KCNIP4: variants seen among roughly 807,000 people sequenced by gnomAD.
KCNIP4 encodes potassium voltage-gated channel interacting protein 4.
A neutral mutation model predicts 34.0 loss-of-function variants in KCNIP4; 12 were observed. The observed-to-expected ratio is 0.35, with a 90% CI of 0.23 to 0.57. The LOEUF is 0.57. Among genes scored for constraint, KCNIP4 ranks in the 20% least tolerant of loss-of-function variants. The probability of loss-of-function intolerance (pLI) is 0.83; values close to 1 mark genes in which losing one functional copy is unlikely to be tolerated. For synonymous variants in KCNIP4, 124 were observed against 102.2 expected (o/e 1.21, Z -1.29); for missense variants, 238 against 311.7 (o/e 0.76, Z 1.78).
chr4:21,153,635 C>T (rs1194433828), intron 1 of KCNIP4, among the ~76,000 whole-genome samples: 1 of 151,824 alleles, frequency 6.6e-6, no homozygotes, highest in African/African-American at 2.4e-5. Context: ...TGGACAACAA[C>T]ATGCAAATCA....
At chr4:21,472,063 A>C (rs1237091126) in intron 1 of KCNIP4, among the ~76,000 whole-genome samples, 1 of 152,190 alleles carries the variant, frequency 6.6e-6, no homozygotes, top group Non-Finnish European at 1.5e-5. Context: ...CCCATGTGGC[A>C]GAGGTGCCTT....
At chr4:20,986,125 G>T (rs192362883) in intron 1 of KCNIP4, among the ~76,000 whole-genome samples, 8 of 152,104 alleles carry the variant, frequency 5.3e-5, no homozygotes, top group South Asian at 2.1e-4. Context: ...GCTCTGCAAG[G>T]TCTCCTTGGA....
chr4:21,089,920 T>C (rs6810897), intron 1 of KCNIP4, among the ~76,000 whole-genome samples: 25,579 of 152,100 alleles, frequency 0.17, 2,237 homozygotes, highest in East Asian at 0.24. Context: ...ACACATACTC[T>C]CCCTTGTTTT....
chr4:21,488,692 A>T (rs1732118389), intron 1 of KCNIP4, among the ~76,000 whole-genome samples: 1 of 149,548 alleles, frequency 6.7e-6, no homozygotes, highest in Non-Finnish European at 1.5e-5. Context: ...TAAGATACAC[A>T]CAAAAAGCAT....
intron 1 of KCNIP4, among the ~76,000 whole-genome samples, chr4:21,110,717 C>A (rs911014798): frequency 6.6e-6 from 1 of 152,086 alleles, no homozygotes; most frequent in Non-Finnish European, 1.5e-5. Context: ...GGAATAAGTA[C>A]CCTTATACAG....
chr4:20,905,786 C>T (rs972885048), intron 1 of KCNIP4, among the ~76,000 whole-genome samples: 2 of 151,858 alleles, frequency 1.3e-5, no homozygotes, highest in African/African-American at 4.8e-5. Context: ...TCCCAAAGAG[C>T]TGGGATTATA....
chr4:21,883,790 T>C (rs1726598764), intron 1 of KCNIP4, among the ~76,000 whole-genome samples: 1 of 152,150 alleles, frequency 6.6e-6, no homozygotes, highest in South Asian at 2.1e-4. Context: ...AACAAATTCC[T>C]GGCCTATAGC....
chr4:20,818,306 G>A (rs1344642103), intron 3 of KCNIP4, among the ~76,000 whole-genome samples: 6 of 152,190 alleles, frequency 3.9e-5, no homozygotes, highest in African/African-American at 1.4e-4. Context: ...GAGTATTGGG[G>A]TGGTGGTGGT....
At chr4:20,833,794 C>T (rs1718718653) in intron 3 of KCNIP4, among the ~76,000 whole-genome samples, 1 of 152,178 alleles carries the variant, frequency 6.6e-6, no homozygotes, top group Admixed American at 6.5e-5. Flanking sequence ...GCCCTGCAGA[C>T]TGAATTTTAG....
chr4:21,925,485 G>T (rs1417253777), intron 1 of KCNIP4, among the ~76,000 whole-genome samples: 2 of 152,094 alleles, frequency 1.3e-5, no homozygotes, highest in South Asian at 2.1e-4. Context: ...GTCTATCGTT[G>T]TTGGACATTT....
chr4:21,510,989 A>G (rs960983381), intron 1 of KCNIP4, among the ~76,000 whole-genome samples: 1 of 152,186 alleles, frequency 6.6e-6, no homozygotes, highest in East Asian at 1.9e-4. Context: ...GGTTGTAGCG[A>G]GCTGAGATTG....
At chr4:21,606,676 C>T (rs567184273) in intron 1 of KCNIP4, among the ~76,000 whole-genome samples, 1 of 152,198 alleles carries the variant, frequency 6.6e-6, no homozygotes, top group Non-Finnish European at 1.5e-5. Context: ...TCACTGCAAC[C>T]TCTGCCTCCC....
At chr4:21,166,318 C>T (rs990024882) in intron 1 of KCNIP4, among the ~76,000 whole-genome samples, 1 of 152,072 alleles carries the variant, frequency 6.6e-6, no homozygotes, top group African/African-American at 2.4e-5. Flanking sequence ...AAAGATACTC[C>T]ATATATTAGT....
At chr4:20,999,442 T>TG (rs1737892164) in intron 1 of KCNIP4, among the ~76,000 whole-genome samples, 1 of 127,012 alleles carries the variant, frequency 7.9e-6, no homozygotes, top group African/African-American at 3.0e-5. Flanking sequence ...TTTTTTGTTT[T>TG]TTTTTTTTTT....
At chr4:21,855,053 G>A (rs201539692) in intron 1 of KCNIP4, among the ~76,000 whole-genome samples, 1 of 152,042 alleles carries the variant, frequency 6.6e-6, no homozygotes, top group East Asian at 1.9e-4. Flanking sequence ...TCTTTGACTA[G>A]AGATGACAGA....
chr4:20,747,759 C>T (rs1202475252), intron 5 of KCNIP4, among the ~76,000 whole-genome samples: 1 of 152,154 alleles, frequency 6.6e-6, no homozygotes, highest in East Asian at 1.9e-4. Flanking sequence ...ACCCAGTCTG[C>T]ATGAGCATGG....
At position 21,408,732 on chromosome 4, in the gene KCNIP4, T is replaced by C. The variant is rs144188791; in HGVS notation, c.62-526023A>G. 2.8e-3 allele frequency among the ~76,000 whole-genome samples: 434 copies of C among 152,338 alleles called. 3 individuals carry two copies. Among genetic ancestry groups the C allele is most frequent in the African/African-American group, 0.01 (422 of 41,572 alleles). The stretch of plus-strand genomic sequence containing the variant: ...ATTTCTTTTAGATTCAACAACCAAG[T>C]TGTGGGTCTTGATCAGAAGGAAGCC... On this transcript the variant is annotated intron_variant, in intron 1 of 8. Coordinates refer to ENST00000382152, the MANE Select transcript of KCNIP4 (RefSeq NM_025221.6).
intron 1 of KCNIP4, among the ~76,000 whole-genome samples, chr4:20,952,163 A>G (rs577140300): frequency 6.0e-4 from 92 of 152,324 alleles, no homozygotes; most frequent in African/African-American, 2.1e-3. Flanking sequence ...TTGATCTACA[A>G]TAAAACTTGC....
chr4:21,789,216 G>C (rs1419681475), intron 1 of KCNIP4, among the ~76,000 whole-genome samples: 1 of 151,954 alleles, frequency 6.6e-6, no homozygotes, highest in Non-Finnish European at 1.5e-5. Flanking sequence ...TGGGTTTCAT[G>C]CCACCTCCCA....
Sources: gnomAD v4.1 joint callset for allele counts (sites outside exome capture counted in the v4.1 genomes callset) on GRCh38, gnomAD v4.1.1 for gene constraint, MANE v1.5 for transcripts, NCBI Gene and HGNC (gene_info 2026-07-23, HGNC 2026-07-21) for gene names.